PTN: variants seen among roughly 807,000 people sequenced by gnomAD.
The protein encoded by PTN is pleiotrophin.
Under a neutral mutation model 24.1 loss-of-function variants are expected in PTN, and 18 were observed. The observed-to-expected ratio is 0.75, with a 90% confidence interval of 0.52 to 1.11. PTN has a LOEUF of 1.11. Among genes scored for constraint, PTN ranks in the 50% least tolerant of loss-of-function variants. The probability of loss-of-function intolerance (pLI) is 0.00; values close to 1 mark genes in which losing one functional copy is unlikely to be tolerated. For synonymous variants in PTN, 78 were observed against 68.6 expected, an observed-to-expected ratio of 1.14 and a Z score of -0.67; for missense variants, 163 against 198.8, an observed-to-expected ratio of 0.82 and a Z score of 1.08.
At chr7:137,335,341 G>T (rs1024562516) in intron 1 of PTN, among the ~76,000 whole-genome samples, 36 of 151,966 alleles carry the variant, frequency 2.4e-4, no homozygotes, top group Non-Finnish European at 3.1e-4. Context: ...GCAACATCTG[G>T]CCAGGGGCTT....
At chr7:137,285,340 T>C (rs1272635927) in intron 1 of PTN, among the ~76,000 whole-genome samples, 1 of 152,162 alleles carries the variant, frequency 6.6e-6, no homozygotes, top group East Asian at 1.9e-4. Context: ...ACTATTACCT[T>C]GCAGTTGCAA....
chr7:137,307,695 G>A lies in PTN; in HGVS notation c.-2+35744C>T, dbSNP rs552405942. ...TGAGTAATCCATTTTGTTGTTTTCC[G>A]TATGTAATATGGCTTATGATTCTGA... On this transcript the variant is annotated intron_variant, in intron 1 of 4. Transcript: ENST00000348225. 5.5e-4 allele frequency among the ~76,000 whole-genome samples: 83 copies of A among 151,936 alleles called. 1 individual carries two copies. Among genetic ancestry groups the A allele is most frequent in the African/African-American group, 1.3e-3 (55 of 41,434 alleles).
At chr7:137,288,321 C>T (rs1297299047) in intron 1 of PTN, among the ~76,000 whole-genome samples, 1 of 152,136 alleles carries the variant, frequency 6.6e-6, no homozygotes, top group Non-Finnish European at 1.5e-5. Context: ...GCCTCATTTT[C>T]CTGGCCAAAC....
chr7:137,286,975 A>T (rs1011966522), intron 1 of PTN, among the ~76,000 whole-genome samples: 5 of 152,200 alleles, frequency 3.3e-5, no homozygotes, highest in African/African-American at 1.2e-4. Flanking sequence ...AGATTGCATA[A>T]CTTACTCCCA....
chr7:137,312,533 C>G (rs1809999149), intron 1 of PTN, among the ~76,000 whole-genome samples: 1 of 152,220 alleles, frequency 6.6e-6, no homozygotes, highest in South Asian at 2.1e-4. Flanking sequence ...CTCAGCTTTC[C>G]AATTCAGCTT....
At chr7:137,289,616 C>T (rs1400997992) in intron 1 of PTN, among the ~76,000 whole-genome samples, 2 of 152,064 alleles carry the variant, frequency 1.3e-5, no homozygotes, top group African/African-American at 2.4e-5. Context: ...GGAGCTGGCC[C>T]AAGGAAATTC....
chr7:137,231,997 T>C (rs1320270379), intron 4 of PTN, among the ~76,000 whole-genome samples: 1 of 151,916 alleles, frequency 6.6e-6, no homozygotes, highest in East Asian at 1.9e-4. Context: ...AGTGCTTTTT[T>C]ATTGAAGTCA....
intron 4 of PTN, among the ~76,000 whole-genome samples, chr7:137,242,907 T>C (rs111389210): frequency 5.3e-5 from 8 of 152,302 alleles, no homozygotes; most frequent in Non-Finnish European, 1.0e-4. Context: ...TGAGCCATCA[T>C]CTAAGGGGAC....
chr7:137,236,676 T>C (rs1359197249), intron 4 of PTN, among the ~76,000 whole-genome samples: 1 of 152,134 alleles, frequency 6.6e-6, no homozygotes, highest in African/African-American at 2.4e-5. Context: ...TTATCTCTAA[T>C]ATGACATTTA....
intron 1 of PTN, among the ~76,000 whole-genome samples, chr7:137,301,828 A>G (rs988017967): frequency 1.3e-5 from 2 of 151,974 alleles, no homozygotes; most frequent in African/African-American, 4.8e-5. Context: ...AAATTTTTAA[A>G]AGTATCTTGG....
intron 1 of PTN, among the ~76,000 whole-genome samples, chr7:137,282,268 C>G (rs563189382): frequency 1.2e-4 from 19 of 152,298 alleles, no homozygotes; most frequent in African/African-American, 4.1e-4. Flanking sequence ...AAAGTATGAG[C>G]TATGTAAGAC....
At chr7:137,271,476 G>A (rs941278599) in intron 1 of PTN, among the ~76,000 whole-genome samples, 44 of 152,124 alleles carry the variant, frequency 2.9e-4, no homozygotes, top group Admixed American at 1.8e-3. Flanking sequence ...GCACACAGGC[G>A]TAAGAAAGAA....
intron 4 of PTN, among the ~76,000 whole-genome samples, chr7:137,231,131 C>T (rs746138974): frequency 4.0e-5 from 6 of 151,854 alleles, no homozygotes; most frequent in Admixed American, 3.9e-4. Context: ...ATACAAGCTG[C>T]GAGAGGGTGC....
intron 1 of PTN, among the ~76,000 whole-genome samples, chr7:137,277,878 T>C (rs1809387490): frequency 1.0e-5 from 1 of 97,476 alleles, no homozygotes; most frequent in Non-Finnish European, 2.0e-5. Flanking sequence ...CCAAAAAATA[T>C]ATATGTAGAT....
At chr7:137,291,804 C>G (rs1359950712) in intron 1 of PTN, among the ~76,000 whole-genome samples, 1 of 152,182 alleles carries the variant, frequency 6.6e-6, no homozygotes, top group Non-Finnish European at 1.5e-5. Flanking sequence ...ATGCCATACT[C>G]TGAATTGAGT....
chr7:137,338,314 G>A (rs1320855731), intron 1 of PTN, among the ~76,000 whole-genome samples: 2 of 152,090 alleles, frequency 1.3e-5, no homozygotes, highest in African/African-American at 4.8e-5. Context: ...AAATTATATT[G>A]ATTCTAAATA....
chr7:137,290,031 A>G (rs1809615289), intron 1 of PTN, among the ~76,000 whole-genome samples: 1 of 152,230 alleles, frequency 6.6e-6, no homozygotes, highest in Admixed American at 6.5e-5. Flanking sequence ...AATTGGACTT[A>G]CAGTTCCACA....
intron 1 of PTN, among the ~76,000 whole-genome samples, chr7:137,267,598 G>A (rs944476666): frequency 2.6e-5 from 4 of 152,102 alleles, no homozygotes; most frequent in Admixed American, 6.6e-5. Flanking sequence ...TAGTAACACC[G>A]TAATCTCCCT....
chr7:137,235,754 A>G (rs1192511745), intron 4 of PTN, among the ~76,000 whole-genome samples: 6 of 151,870 alleles, frequency 4.0e-5, no homozygotes, highest in Non-Finnish European at 7.4e-5. Flanking sequence ...TCTTTCCCTC[A>G]CTGTCCACCT....
Sources: gnomAD v4.1 joint callset for allele counts (sites outside exome capture counted in the v4.1 genomes callset) on GRCh38, gnomAD v4.1.1 for gene constraint, MANE v1.5 for transcripts, NCBI Gene and HGNC (gene_info 2026-07-23, HGNC 2026-07-21) for gene names.